Variants in HMOX1 observed in about 807,000 individuals in gnomAD.
The protein encoded by HMOX1 is heme oxygenase 1, also known as heat shock protein, 32-kD.
HMOX1 carries 22 observed loss-of-function variants against 27.8 expected under a neutral mutation model. The ratio of observed to expected loss-of-function variants is 0.79; its 90% CI spans 0.57 to 1.13. The LOEUF (loss-of-function observed/expected upper bound fraction) is 1.13. Ranked by LOEUF, HMOX1 falls within the 50% of genes most tolerant of loss-of-function variation. The pLI is 0.00. For synonymous variants in HMOX1, 153 were observed against 151.6 expected (o/e 1.01, Z -0.07); for missense variants, 379 against 377.7 (o/e 1.00, Z -0.03).
At chr22:35,388,679 C>T (rs1462429771) in intron 3 of HMOX1, among the ~76,000 whole-genome samples, 1 of 152,002 alleles carries the variant, frequency 6.6e-6, no homozygotes. Flanking sequence ...CACCTGTAGT[C>T]CCAGCTACTC....
rs1184993008 is a variant in HMOX1, at chr22:35,386,712, T to G, written c.172T>G (p.Tyr58Asp). 5 of 1,614,026 alleles carry G rather than the reference T, an allele frequency of 3.1e-6. No homozygotes were observed. In the African/African-American group the frequency reaches 5.3e-5, roughly 17 times the overall value. Residue 58 changes from tyrosine (Y) to aspartate (D), a missense_variant, in exon 3 of 5, where the codon TAT (tyrosine) becomes GAT (aspartate). Coordinates refer to ENST00000216117, the MANE Select transcript of HMOX1 (RefSeq NM_002133.3). ...KLVMASLYHI[Y>D]VALEEEIERN... is the part of the protein sequence containing the mutation. ...GGTGATGGCCTCCCTGTACCACATC[T>G]ATGTGGCCCTGGAGGAGGAGATTGA... is the stretch of plus-strand genomic sequence containing the variant.
At chr22:35,389,562 C>T (rs1931661439) in intron 3 of HMOX1, among the ~76,000 whole-genome samples, 1 of 151,344 alleles carries the variant, frequency 6.6e-6, no homozygotes, top group Non-Finnish European at 1.5e-5. Context: ...CCTGCCTCAG[C>T]CTCCCGAGTA....
intron 1 of HMOX1, chr22:35,381,473 T>G (rs939770521): frequency 3.7e-6 from 2 of 538,082 alleles, no homozygotes; most frequent in Non-Finnish European, 6.6e-6. Context: ...CCAATTTTTT[T>G]TTTAATCCTA....
rs70944257 is a variant in HMOX1 at position 35,389,274 on chromosome 22, CCT to C, written c.637-575_637-574del. On this transcript the variant is annotated intron_variant, in intron 3 of 4. Transcript: ENST00000216117. ...TTTCTCTCTCTCTCTCTCTCTCTCT[CCT>C]CTCTCTCTCTCTCTTCTTTCTTCTT... is the stretch of plus-strand genomic sequence containing the variant. Among the ~76,000 whole-genome samples the C allele has an allele frequency of 3.6e-3, 349 of 96,034 alleles. 37 individuals are homozygous for C. The highest frequency in any genetic ancestry group is 0.012 in the African/African-American group (144 of 12,072). The allele number at this position is 96,034 out of a possible 152,430, so 63.0% of individuals were successfully genotyped here.
intron 1 of HMOX1, 88 bp from the exon 2 acceptor site, chr22:35,383,018 A>G: frequency 1.3e-6 from 2 of 1,568,420 alleles, no homozygotes; most frequent in Non-Finnish European, 1.7e-6. Flanking sequence ...AGTCTCTTGA[A>G]GGCCTGCCCA....
rs1386976514 is a variant in HMOX1 at position 35,391,258 on chromosome 22, A to G, written c.736+1295A>G. Among the ~76,000 whole-genome samples the G allele has an allele frequency of 1.5e-4, 12 of 79,270 alleles. No homozygotes were observed. In the East Asian group the frequency reaches 6.4e-3, roughly 42 times the overall value. The allele number at this position is 79,270 out of a possible 152,430, so 52.0% of individuals were successfully genotyped here. ...TCCCCTCAACGGGGTCTGTGAGGACAAAGCATTTTTATAACACTACTACTA... is the reference window on the plus strand; with the variant it reads ...TCCCCTCAACGGGGTCTGTGAGGACGAAGCATTTTTATAACACTACTACTA... On this transcript the variant is annotated intron_variant, in intron 4 of 4. Coordinates refer to ENST00000216117, the MANE Select transcript of HMOX1 (RefSeq NM_002133.3).
At chr22:35,393,447 T>G in intron 4 of HMOX1, 21 bp from the exon 5 acceptor site, 1 of 1,614,062 alleles carries the variant, frequency 6.2e-7, no homozygotes, top group Non-Finnish European at 8.5e-7. Flanking sequence ...GTTAATGACC[T>G]TGCCCCATTT....
At chr22:35,389,429 TATC>T (rs1355666943) in intron 3 of HMOX1, among the ~76,000 whole-genome samples, 9 of 67,970 alleles carry the variant, frequency 1.3e-4, no homozygotes, top group African/African-American at 2.8e-4. Context: ...TCTTTCTTTC[TATC>T]TTTCTTTCTT....
chr22:35,384,990 C>T (rs545254530), intron 2 of HMOX1, among the ~76,000 whole-genome samples: 1 of 152,040 alleles, frequency 6.6e-6, no homozygotes, highest in African/African-American at 2.4e-5. Context: ...TCTGTCCCCT[C>T]AAGGAATAGA....
intron 4 of HMOX1, 81 bp from the exon 5 acceptor site, chr22:35,393,387 G>A (rs12160711): frequency 6.5e-5 from 103 of 1,576,106 alleles, no homozygotes; most frequent in Non-Finnish European, 3.4e-5. Flanking sequence ...CCCTGAGGCC[G>A]CTCTGCTTTG....
rs1290913809 is a variant in HMOX1, at chr22:35,389,272, CTCCTCT to C, written c.637-591_637-586del. ...CTTTTCTCTCTCTCTCTCTCTCTCT[CTCCTCT>C]CTCTCTCTCTCTTCTTTCTTCTTTC... On this transcript the variant is annotated intron_variant, in intron 3 of 4. Transcript: ENST00000216117. Among the ~76,000 whole-genome samples the C allele has an allele frequency of 2.6e-3, 291 of 113,982 alleles. 61 individuals are homozygous for C. The highest frequency in any genetic ancestry group is 0.014 in the African/African-American group (289 of 21,184). The allele number at this position is 113,982 out of a possible 152,430, so 74.8% of individuals were successfully genotyped here.
intron 4 of HMOX1, among the ~76,000 whole-genome samples, chr22:35,393,205 C>T (rs1931766453): frequency 6.6e-6 from 1 of 152,190 alleles, no homozygotes; most frequent in African/African-American, 2.4e-5. Flanking sequence ...GTCTGAAAAC[C>T]ACGCCTGGGC....
Position 35,389,289 on chromosome 22 carries a change from CTT to C in HMOX1, c.637-574_637-573del, listed in dbSNP as rs1491417848. Among the ~76,000 whole-genome samples, 20 of 102,970 alleles carry C rather than the reference CTT, an allele frequency of 1.9e-4. 1 individual carries two copies. The highest frequency in any genetic ancestry group is 1.9e-4 in the Admixed American group (2 of 10,678). The allele number at this position is 102,970 out of a possible 152,430, so 67.6% of individuals were successfully genotyped here. On this transcript the variant is annotated intron_variant, in intron 3 of 4. Coordinates refer to ENST00000216117, the MANE Select transcript of HMOX1 (RefSeq NM_002133.3). ...CTCTCTCTCTCCTCTCTCTCTCTCT[CTT>C]CTTTCTTCTTTCTTTCTTTCTTTCT...
At position 35,386,771 on chromosome 22, in the gene HMOX1, C is replaced by G. The variant is rs1408560142; in HGVS notation, c.231C>G (p.Val77=). The G allele has an allele frequency of 6.2e-7, 1 of 1,614,232 alleles. No homozygotes were observed. The highest frequency in any genetic ancestry group is 1.1e-5 in the South Asian group (1 of 91,084). ...RNKESPVFAP[V]YFPEELHRKA... is the part of the protein sequence containing the mutation. ...AGGAGAGCCCAGTCTTCGCCCCTGT[C>G]TACTTCCCAGAAGAGCTGCACCGCA... The change falls in exon 3 of 5, where the codon GTC becomes GTG. Residue 77 remains valine, a synonymous_variant. Transcript: ENST00000216117.
chr22:35,384,254 G>A (rs960904143), intron 2 of HMOX1, among the ~76,000 whole-genome samples: 15 of 151,850 alleles, frequency 9.9e-5, no homozygotes. Flanking sequence ...GCCAATTTTT[G>A]TATTTTTTTA....
At position 35,387,079 on chromosome 22, in the gene HMOX1, A is replaced by G. The variant is rs1931529228; in HGVS notation, c.539A>G (p.Gln180Arg). The change falls in exon 3 of 5, where the codon CAG becomes CGG. Residue 180 changes from glutamine (Q) to arginine (R), a missense_variant. By Grantham distance (43) the Gln-to-Arg change is conservative (BLOSUM62 1). Transcript: ENST00000216117. Reference protein sequence around the residue: ...PNIASATKFKQLYRSRMNSLE... With the variant: ...PNIASATKFKRLYRSRMNSLE... ...ATTGCCAGTGCCACCAAGTTCAAGC[A>G]GCTCTACCGCTCCCGCATGAACTCC... 1.9e-6 allele frequency: 3 copies of G among 1,613,620 alleles called. No individual in the cohort carries two copies. The highest frequency in any genetic ancestry group is 2.5e-6 in the Non-Finnish European group (3 of 1,180,020).
intron 3 of HMOX1, among the ~76,000 whole-genome samples, chr22:35,389,289 CTTCTTTCTTCTTTCTTTCT>C (rs1931611179): frequency 9.7e-6 from 1 of 102,970 alleles, no homozygotes; most frequent in Non-Finnish European, 1.8e-5. Context: ...CTCTCTCTCT[CTTCTTTCTTCTTTCTTTCT>C]TTCTTTCTTT....
intron 4 of HMOX1, 65 bp downstream of exon 4, chr22:35,390,028 G>GGGGAAGCCCTTCTCA: frequency 9.4e-7 from 1 of 1,067,336 alleles, no homozygotes; most frequent in Non-Finnish European, 1.4e-6. Flanking sequence ...CTGTCTGACT[G>GGGGAAGCCCTTCTCA]TAGTATCTCT....
At chr22:35,387,875 T>C (rs1352873112) in intron 3 of HMOX1, among the ~76,000 whole-genome samples, 1 of 152,248 alleles carries the variant, frequency 6.6e-6, no homozygotes, top group Admixed American at 6.5e-5. Flanking sequence ...TCCTGGCCCC[T>C]GTTACGGAAC....
Sources: gnomAD v4.1 joint callset for allele counts (sites outside exome capture counted in the v4.1 genomes callset) on GRCh38, gnomAD v4.1.1 for gene constraint, MANE v1.5 for transcripts, NCBI Gene and HGNC (gene_info 2026-07-23, HGNC 2026-07-21) for gene names.